The following CCDC192 variants were observed in gnomAD, a reference collection of about 807,000 sequenced individuals.
The protein encoded by CCDC192 is coiled-coil domain-containing protein 192.
intron 5 of CCDC192, among the ~76,000 whole-genome samples, chr5:127,871,997 G>A (rs1429561175): frequency 2.0e-5 from 3 of 152,142 alleles, no homozygotes; most frequent in Admixed American, 2.0e-4. Flanking sequence ...GGGTTGCCTG[G>A]CTAGTGAACG....
intron 3 of CCDC192, among the ~76,000 whole-genome samples, chr5:127,757,079 A>G (rs571812617): frequency 3.4e-4 from 52 of 152,350 alleles, no homozygotes; most frequent in African/African-American, 1.3e-3. Flanking sequence ...ACCATAAGTA[A>G]GGTGCTGGTT....
intron 5 of CCDC192, among the ~76,000 whole-genome samples, chr5:127,839,996 G>A (rs895995363): frequency 6.6e-6 from 1 of 152,136 alleles, no homozygotes; most frequent in African/African-American, 2.4e-5. Flanking sequence ...TCTCAGAAGA[G>A]CATATGACAC....
chr5:127,745,488 G>C (rs974897642), intron 2 of CCDC192, among the ~76,000 whole-genome samples: 25 of 152,140 alleles, frequency 1.6e-4, no homozygotes, highest in African/African-American at 5.8e-4. Context: ...TGTCTTTACT[G>C]TAATCAAAGA....
chr5:127,797,111 C>A lies in CCDC192; in HGVS notation c.231C>A (p.Val77=), dbSNP rs1396077537. 2.5e-6 allele frequency: 1 copy of A among 397,910 alleles called. No homozygotes were observed. Among genetic ancestry groups the A allele is most frequent in the Non-Finnish European group, 4.4e-6 (1 of 225,394 alleles). The allele number at this position is 397,910 out of a possible 1,614,324, so 24.6% of individuals were successfully genotyped here. Residue 77 remains valine, a synonymous_variant, in exon 4 of 7, where the codon GTC becomes GTA. Transcript: ENST00000514853. ...AAAGAAAATATCTTTAGCTTTCAGT[C>A]TCTGAAGGAACAAAATCAAAACTGC... ...KAKALSEQLS[V]SEGTKSKLLE...
intron 5 of CCDC192, among the ~76,000 whole-genome samples, chr5:127,841,857 T>G (rs1217583574): frequency 2.6e-5 from 4 of 152,136 alleles, no homozygotes; most frequent in African/African-American, 4.8e-5. Flanking sequence ...AGCTCTTGTT[T>G]CTACAGGGGC....
At chr5:127,738,542 A>G (rs1420367907) in intron 2 of CCDC192, among the ~76,000 whole-genome samples, 1 of 142,896 alleles carries the variant, frequency 7.0e-6, no homozygotes, top group Non-Finnish European at 1.5e-5. Flanking sequence ...ACTTGGTTCC[A>G]TTCTCCCCAT....
At chr5:127,858,922 A>C (rs1427202942) in intron 5 of CCDC192, among the ~76,000 whole-genome samples, 1 of 139,778 alleles carries the variant, frequency 7.2e-6, no homozygotes, top group Non-Finnish European at 1.6e-5. Flanking sequence ...ATTATTTGAC[A>C]CTTTTGTGTG....
At chr5:127,918,949 GTATATA>G (rs1035694703) in intron 6 of CCDC192, among the ~76,000 whole-genome samples, 6 of 145,002 alleles carry the variant, frequency 4.1e-5, no homozygotes, top group African/African-American at 1.3e-4. Context: ...GTATATATGT[GTATATA>G]TGTGTGTGTC....
chr5:127,755,417 A>T (rs1453914010), intron 3 of CCDC192, among the ~76,000 whole-genome samples: 1 of 152,106 alleles, frequency 6.6e-6, no homozygotes. Flanking sequence ...AGCTTACCAA[A>T]AAAGGTGCAT....
chr5:127,897,470 G>A (rs181589077), intron 6 of CCDC192, among the ~76,000 whole-genome samples: 1 of 152,182 alleles, frequency 6.6e-6, no homozygotes, highest in Non-Finnish European at 1.5e-5. Flanking sequence ...GAAAGTTAAG[G>A]CTCTCGGGTT....
At chr5:127,785,090 CT>C in intron 3 of CCDC192, 1 of 517,232 alleles carries the variant, frequency 1.9e-6, no homozygotes, top group Non-Finnish European at 3.9e-6. Context: ...GTGTAGGCAT[CT>C]TCTGTGTTGT....
chr5:127,789,931 C>T (rs1756768131), intron 3 of CCDC192, among the ~76,000 whole-genome samples: 1 of 152,230 alleles, frequency 6.6e-6, no homozygotes, highest in African/African-American at 2.4e-5. Context: ...CCAAGATCCT[C>T]GTGTGGTAGA....
chr5:127,895,046 T>C (rs1298655647), intron 6 of CCDC192, among the ~76,000 whole-genome samples: 1 of 152,210 alleles, frequency 6.6e-6, no homozygotes, highest in African/African-American at 2.4e-5. Flanking sequence ...GCAGTTTGGT[T>C]ACGTAAGTAA....
At chr5:127,884,243 T>C (rs1752467494) in intron 6 of CCDC192, among the ~76,000 whole-genome samples, 2 of 147,302 alleles carry the variant, frequency 1.4e-5, no homozygotes, top group South Asian at 2.1e-4. Flanking sequence ...CTCGGGAGGC[T>C]GAGGCAGAAG....
intron 5 of CCDC192, among the ~76,000 whole-genome samples, chr5:127,856,051 C>A (rs1476403755): frequency 6.6e-6 from 1 of 152,202 alleles, no homozygotes; most frequent in African/African-American, 2.4e-5. Flanking sequence ...AGCTTTGAAG[C>A]CAGGCATTGA....
chr5:127,882,119 G>A (rs551363921), intron 6 of CCDC192, among the ~76,000 whole-genome samples: 6 of 152,284 alleles, frequency 3.9e-5, no homozygotes, highest in African/African-American at 1.4e-4. Context: ...GTACATTCCA[G>A]GGTAGACTTA....
At chr5:127,734,893 T>C (rs1231276799) in intron 2 of CCDC192, among the ~76,000 whole-genome samples, 2 of 151,552 alleles carry the variant, frequency 1.3e-5, no homozygotes, top group East Asian at 3.9e-4. Flanking sequence ...TTCACTCTGA[T>C]GGTAGTTTCT....
chr5:127,779,946 A>C (rs1169460524), intron 3 of CCDC192, among the ~76,000 whole-genome samples: 2 of 151,828 alleles, frequency 1.3e-5, no homozygotes, highest in Middle Eastern at 3.4e-3. Flanking sequence ...TTGCATCCTC[A>C]TAGCTTAGCT....
At chr5:127,827,299 G>C (rs913029997) in intron 5 of CCDC192, among the ~76,000 whole-genome samples, 2 of 152,176 alleles carry the variant, frequency 1.3e-5, no homozygotes, top group Admixed American at 6.5e-5. Flanking sequence ...GTACCCATTT[G>C]GTCTGTCAAG....
Sources: allele counts gnomAD v4.1 joint callset (sites outside exome capture counted in the v4.1 genomes callset), GRCh38; gene constraint gnomAD v4.1.1; transcripts MANE v1.5; gene names NCBI Gene and HGNC (gene_info 2026-07-23, HGNC 2026-07-21).